The following LRRTM4 variants were observed in gnomAD, a reference collection of about 807,000 sequenced individuals.
LRRTM4 encodes leucine rich repeat transmembrane neuronal 4, also known as leucine-rich repeat transmembrane neuronal protein 4.
In LRRTM4, 25 loss-of-function variants were observed where a neutral mutation model predicts 47.6. The observed-to-expected ratio is 0.53, with a 90% CI of 0.38 to 0.73. LRRTM4 has a LOEUF of 0.73. Ranked by LOEUF, LRRTM4 falls within the 30% of genes least tolerant of loss-of-function variation. The pLI is 0.00. For missense variants in LRRTM4, 638 were observed against 713.4 expected (o/e 0.89, Z 1.20); for synonymous variants, 311 against 269.5 (o/e 1.15, Z -1.51).
At chr2:77,479,503 A>G (rs1677568416) in intron 3 of LRRTM4, among the ~76,000 whole-genome samples, 1 of 152,206 alleles carries the variant, frequency 6.6e-6, no homozygotes, top group Non-Finnish European at 1.5e-5. Flanking sequence ...CCGTAGCAGG[A>G]TGCTAATCTC....
intron 3 of LRRTM4, among the ~76,000 whole-genome samples, chr2:77,226,507 C>G (rs190550932): frequency 6.3e-4 from 94 of 148,446 alleles, no homozygotes; most frequent in African/African-American, 2.2e-3. Flanking sequence ...TTATTTTCTA[C>G]TGATGTGCTT....
In LRRTM4 at chr2:77,089,005, G is replaced by C. The variant is rs180871400; in HGVS notation, c.1552-340089C>G. ...GACCCAAAACTCCGGCGCCGGTCAC[G>C]GACTGGGAAGGCAGCCTTCCCTTGG... On this transcript the variant is annotated intron_variant, in intron 3 of 3. Coordinates refer to ENST00000409884, the MANE Select transcript of LRRTM4 (RefSeq NM_001134745.3). Among the ~76,000 whole-genome samples, 54 of 152,132 alleles carry C rather than the reference G, an allele frequency of 3.5e-4. 1 individual carries two copies. Among genetic ancestry groups the C allele is most frequent in the Non-Finnish European group, 4.9e-4 (33 of 68,010 alleles).
At chr2:77,073,605 G>A (rs1000058625) in intron 3 of LRRTM4, among the ~76,000 whole-genome samples, 1 of 151,952 alleles carries the variant, frequency 6.6e-6, no homozygotes, top group Non-Finnish European at 1.5e-5. Flanking sequence ...TACACCAAAA[G>A]ATATTATTGA....
At chr2:76,916,468 T>C (rs1674255834) in intron 3 of LRRTM4, among the ~76,000 whole-genome samples, 1 of 151,642 alleles carries the variant, frequency 6.6e-6, no homozygotes, top group Non-Finnish European at 1.5e-5. Flanking sequence ...TCTGATCATG[T>C]CCATGCTTTT....
In LRRTM4 at chr2:77,105,207, T is replaced by C. The variant is rs368744985; in HGVS notation, c.1552-356291A>G. 2.6e-5 allele frequency among the ~76,000 whole-genome samples: 4 copies of C among 152,020 alleles called. No homozygotes were observed. In the South Asian group the frequency reaches 8.3e-4, roughly 32 times the overall value. ...AAACACCAACAACAAACCTTTAAAA[T>C]GTTATGACGCAATAGAAAACAGCAA... On this transcript the variant is annotated intron_variant, in intron 3 of 3. Transcript: ENST00000409884.
chr2:77,384,992 G>A (rs980914512), intron 3 of LRRTM4, among the ~76,000 whole-genome samples: 14 of 152,024 alleles, frequency 9.2e-5, no homozygotes, highest in Middle Eastern at 3.4e-3. Context: ...AGTTATAACC[G>A]GAGTTATGTT....
At chr2:77,110,604 T>C (rs889836867) in intron 3 of LRRTM4, among the ~76,000 whole-genome samples, 2 of 152,212 alleles carry the variant, frequency 1.3e-5, no homozygotes, top group African/African-American at 4.8e-5. Context: ...AAGAACATTT[T>C]ATTTGTTCAT....
chr2:77,132,822 C>T (rs1238857103), intron 3 of LRRTM4, among the ~76,000 whole-genome samples: 1 of 151,984 alleles, frequency 6.6e-6, no homozygotes, highest in Non-Finnish European at 1.5e-5. Flanking sequence ...TTCAGATCAA[C>T]ACAGACTCAG....
intron 3 of LRRTM4, among the ~76,000 whole-genome samples, chr2:77,265,186 A>T (rs1676018540): frequency 6.6e-6 from 1 of 152,140 alleles, no homozygotes; most frequent in South Asian, 2.1e-4. Context: ...TGTTCACCAT[A>T]TTTTCAGTTG....
chr2:77,027,397 AAATT>A (rs1228558771), intron 3 of LRRTM4, among the ~76,000 whole-genome samples: 1 of 152,176 alleles, frequency 6.6e-6, no homozygotes, highest in Non-Finnish European at 1.5e-5. Context: ...CAGCATGCCA[AAATT>A]AATTTTCAGT....
chr2:76,973,398 T>C (rs1426237271), intron 3 of LRRTM4, among the ~76,000 whole-genome samples: 1 of 152,062 alleles, frequency 6.6e-6, no homozygotes, highest in Non-Finnish European at 1.5e-5. Flanking sequence ...GGGAAATATT[T>C]TCTCAGAAAT....
At chr2:76,874,579 A>G (rs564493407) in intron 3 of LRRTM4, among the ~76,000 whole-genome samples, 2 of 151,840 alleles carry the variant, frequency 1.3e-5, no homozygotes, top group African/African-American at 2.4e-5. Context: ...GTAAAGTCCT[A>G]TCACATGAAG....
At chr2:77,143,606 A>G (rs572211852) in intron 3 of LRRTM4, among the ~76,000 whole-genome samples, 11 of 152,332 alleles carry the variant, frequency 7.2e-5, no homozygotes, top group African/African-American at 2.6e-4. Context: ...AGAGACAAAC[A>G]ATAAAAGTGT....
intron 3 of LRRTM4, among the ~76,000 whole-genome samples, chr2:77,501,607 A>G (rs1276749008): frequency 1.3e-5 from 2 of 150,956 alleles, no homozygotes; most frequent in Non-Finnish European, 3.0e-5. Flanking sequence ...ATAAAGGAAG[A>G]AACAATAAAA....
intron 3 of LRRTM4, among the ~76,000 whole-genome samples, chr2:76,811,771 C>A (rs573760292): frequency 6.6e-6 from 1 of 152,114 alleles, no homozygotes; most frequent in Non-Finnish European, 1.5e-5. Flanking sequence ...TTTTATTTTA[C>A]CTGTCCTGAA....
At chr2:77,034,308 C>T (rs1224121489) in intron 3 of LRRTM4, among the ~76,000 whole-genome samples, 1 of 151,898 alleles carries the variant, frequency 6.6e-6, no homozygotes, top group African/African-American at 2.4e-5. Context: ...AGAAGTCTTG[C>T]CCAAGTGTCT....
chr2:76,899,793 A>G (rs1435001658), intron 3 of LRRTM4, among the ~76,000 whole-genome samples: 1 of 152,236 alleles, frequency 6.6e-6, no homozygotes, highest in Non-Finnish European at 1.5e-5. Flanking sequence ...AATTATAACA[A>G]AAAGTAATTC....
intron 3 of LRRTM4, among the ~76,000 whole-genome samples, chr2:77,500,437 C>T (rs952335378): frequency 3.5e-5 from 5 of 142,866 alleles, no homozygotes; most frequent in African/African-American, 5.0e-5. Context: ...AAACATACAA[C>T]CATACAAACA....
chr2:77,445,262 C>T (rs950911019), intron 3 of LRRTM4, among the ~76,000 whole-genome samples: 1 of 151,802 alleles, frequency 6.6e-6, no homozygotes, highest in Non-Finnish European at 1.5e-5. Flanking sequence ...GTATACTTAC[C>T]TCCCAGAGTT....
Sources: gnomAD v4.1 joint callset for allele counts (sites outside exome capture counted in the v4.1 genomes callset) on GRCh38, gnomAD v4.1.1 for gene constraint, MANE v1.5 for transcripts, NCBI Gene and HGNC (gene_info 2026-07-23, HGNC 2026-07-21) for gene names.